ASRGL1: variants seen among roughly 807,000 people sequenced by gnomAD.
ASRGL1 encodes isoaspartyl peptidase/L-asparaginase.
Under a neutral mutation model 22.4 loss-of-function variants are expected in ASRGL1, and 16 were observed. The observed-to-expected ratio is 0.71, with a 90% CI of 0.48 to 1.08. The LOEUF (loss-of-function observed/expected upper bound fraction) is 1.08, where lower values mean the gene tolerates loss of function less well. Ranked by LOEUF, ASRGL1 falls within the 50% of genes least tolerant of loss-of-function variation. The pLI is 0.00. For synonymous variants in ASRGL1, 165 were observed against 159.3 expected (o/e 1.04, Z -0.27); for missense variants, 412 against 410.1 (o/e 1.00, Z -0.04).
In ASRGL1 at chr11:62,356,210, G is replaced by A. The variant is rs377093321; in HGVS notation, c.191-115G>A. ...CCAGTAGGGGCAGCCGGGCAGAGGC[G>A]CCCCTCACCTCCCGGATGGGGCGGC... On this transcript the variant is annotated intron_variant, in intron 2 of 6. Transcript: ENST00000415229. 9.7e-4 allele frequency: 1,244 copies of A among 1,285,290 alleles called. 8 individuals are homozygous for A. Among genetic ancestry groups the A allele is most frequent in the South Asian group, 7.2e-3 (527 of 73,018 alleles). The allele number at this position is 1,285,290 out of a possible 1,614,324, so 79.6% of individuals were successfully genotyped here.
chr11:62,388,255 T>C (rs535709158), intron 4 of ASRGL1, among the ~76,000 whole-genome samples: 1 of 152,348 alleles, frequency 6.6e-6, no homozygotes, highest in Admixed American at 6.5e-5. Flanking sequence ...GGCACATGAC[T>C]GTATTCGAGA....
At position 62,375,476 on chromosome 11, in the gene ASRGL1, ATATATT is replaced by A. The variant is rs1432168618; in HGVS notation, c.492-13655_492-13650del. ...TATATATATATATATATATATATAT[ATATATT>A]TCTTGGAGTAAACATTTTAAATAAA... On this transcript the variant is annotated intron_variant, in intron 4 of 6. Coordinates refer to ENST00000415229, the MANE Select transcript of ASRGL1 (RefSeq NM_001083926.2). Among the ~76,000 whole-genome samples the A allele has an allele frequency of 8.1e-3, 664 of 82,070 alleles. 29 individuals carry two copies. Among genetic ancestry groups the A allele is most frequent in the Middle Eastern group, 0.023 (3 of 128 alleles). The allele number at this position is 82,070 out of a possible 152,430, so 53.8% of individuals were successfully genotyped here.
chr11:62,359,483 A>T (rs1187292683), intron 4 of ASRGL1, among the ~76,000 whole-genome samples: 1 of 152,202 alleles, frequency 6.6e-6, no homozygotes, highest in African/African-American at 2.4e-5. Context: ...TATTTTATTT[A>T]ACCAAATATA....
In ASRGL1 at chr11:62,389,456, G is replaced by A. The variant is rs954622385; in HGVS notation, c.610+205G>A. 9 of 650,658 alleles carry A rather than the reference G, an allele frequency of 1.4e-5. No homozygotes were observed. The African/African-American group carries it at 1.4e-4, about 10-fold the overall frequency. The allele number at this position is 650,658 out of a possible 1,614,324, so 40.3% of individuals were successfully genotyped here. ...GAGGGTGTTTGTATCTGGCGCCACT[G>A]TTTTTACTAGATTGCATGCCTTTTT... On this transcript the variant is annotated intron_variant, in intron 5 of 6. Transcript: ENST00000415229.
At position 62,392,465 on chromosome 11, in the gene ASRGL1, T is replaced by C; in HGVS notation, c.*181T>C. On this transcript the variant is annotated 3_prime_UTR_variant, in exon 7 of 7. Transcript: ENST00000415229. ...GCGGGTTCTGAAGCGATGAGAGAAA[T>C]GCCCGTATTAGGAGGATTACTTGAG... The C allele has an allele frequency of 4.3e-6, 3 of 704,442 alleles. No individual in the cohort carries two copies. Among genetic ancestry groups the C allele is most frequent in the Non-Finnish European group, 7.0e-6 (3 of 426,040 alleles). The allele number at this position is 704,442 out of a possible 1,614,324, so 43.6% of individuals were successfully genotyped here. A position where few individuals can be genotyped will look rare whatever the true frequency, so the allele number is the denominator to read the frequency against.
chr11:62,349,171 G>T (rs1480035412), intron 2 of ASRGL1, among the ~76,000 whole-genome samples: 1 of 152,114 alleles, frequency 6.6e-6, no homozygotes, highest in Non-Finnish European at 1.5e-5. Context: ...GTTTCACCAT[G>T]TTGGCCAGGC....
At chr11:62,372,884 C>T in intron 4 of ASRGL1, 2 of 1,599,640 alleles carry the variant, frequency 1.3e-6, no homozygotes, top group South Asian at 1.1e-5. Context: ...CAGTGCAGGA[C>T]CTCTGCAGCT....
At chr11:62,350,942 C>T (rs1401348573) in intron 2 of ASRGL1, among the ~76,000 whole-genome samples, 1 of 152,066 alleles carries the variant, frequency 6.6e-6, no homozygotes, top group East Asian at 1.9e-4. Flanking sequence ...TTTTTGCTTT[C>T]TTTTTCTTGC....
At chr11:62,400,464 C>T in the ASRGL1 span, among the ~76,000 whole-genome samples, 1 of 152,192 alleles carries the variant, frequency 6.6e-6, no homozygotes, top group African/African-American at 2.4e-5. Context: ...ACCTCTGTTC[C>T]ATGGACCCAA....
chr11:62,398,681 C>A, the ASRGL1 span, among the ~76,000 whole-genome samples: 255 of 152,360 alleles, frequency 1.7e-3, 1 homozygote, highest in Admixed American at 9.6e-3. Flanking sequence ...CCGCTAGCGG[C>A]GGCGGCTCAT....
At chr11:62,388,840 C>T (rs12292586) in intron 4 of ASRGL1, among the ~76,000 whole-genome samples, 15,862 of 152,054 alleles carry the variant, frequency 0.1, 884 homozygotes, top group Non-Finnish European at 0.12. Flanking sequence ...CTTTTATCCC[C>T]ATTTTATGAT....
intron 2 of ASRGL1, among the ~76,000 whole-genome samples, chr11:62,356,021 C>T (rs958644240): frequency 1.3e-5 from 2 of 152,234 alleles, no homozygotes; most frequent in East Asian, 1.9e-4. Flanking sequence ...ATGTCTACTT[C>T]CTTCTACACA....
At chr11:62,375,540 A>C (rs914548303) in intron 4 of ASRGL1, among the ~76,000 whole-genome samples, 4 of 146,766 alleles carry the variant, frequency 2.7e-5, no homozygotes, top group African/African-American at 1.0e-4. Flanking sequence ...AATAAAAATA[A>C]AAAATAAACA....
At chr11:62,338,193 T>C (rs1189591148) in intron 2 of ASRGL1, 26 bp downstream of exon 2, 2 of 1,515,996 alleles carry the variant, frequency 1.3e-6, no homozygotes, top group South Asian at 2.7e-5. Flanking sequence ...AGCTAGTAAA[T>C]AATGTGAGTC....
chr11:62,354,992 A>T (rs1160282996), intron 2 of ASRGL1, among the ~76,000 whole-genome samples: 1 of 151,776 alleles, frequency 6.6e-6, no homozygotes, highest in African/African-American at 2.4e-5. Flanking sequence ...CCCTTGGCTC[A>T]TGGCAACCTC....
intron 4 of ASRGL1, among the ~76,000 whole-genome samples, chr11:62,378,204 T>C (rs1946976233): frequency 6.6e-6 from 1 of 152,212 alleles, no homozygotes; most frequent in African/African-American, 2.4e-5. Context: ...TTCTATATTC[T>C]ATTTGCATCC....
At chr11:62,377,930 G>A (rs1946969591) in intron 4 of ASRGL1, among the ~76,000 whole-genome samples, 1 of 152,188 alleles carries the variant, frequency 6.6e-6, no homozygotes, top group African/African-American at 2.4e-5. Flanking sequence ...AAAAGTTGGA[G>A]TGGGGCTAAG....
chr11:62,387,372 C>T (rs529311093), intron 4 of ASRGL1, among the ~76,000 whole-genome samples: 2 of 152,252 alleles, frequency 1.3e-5, no homozygotes, highest in Admixed American at 6.5e-5. Context: ...AAAAGTGGTA[C>T]TATTAATAAT....
chr11:62,370,851 T>C (rs1946741180), intron 4 of ASRGL1, among the ~76,000 whole-genome samples: 1 of 152,178 alleles, frequency 6.6e-6, no homozygotes, highest in African/African-American at 2.4e-5. Flanking sequence ...TAAATTTTAA[T>C]GATCTTTGAT....
Sources: allele counts gnomAD v4.1 joint callset (sites outside exome capture counted in the v4.1 genomes callset), GRCh38; gene constraint gnomAD v4.1.1; transcripts MANE v1.5; gene names NCBI Gene and HGNC (gene_info 2026-07-23, HGNC 2026-07-21).